SEC63: variants seen among roughly 807,000 people sequenced by gnomAD.
SEC63 encodes the protein translocation protein SEC63 homolog.
SEC63 carries 56 observed loss-of-function variants against 116.2 expected under a neutral mutation model. The ratio of observed to expected loss-of-function variants is 0.48; its 90% CI spans 0.39 to 0.60. The LOEUF (loss-of-function observed/expected upper bound fraction) is 0.60. SEC63 is among the 20% of genes least tolerant of loss of function. The pLI, the probability that SEC63 is intolerant of heterozygous loss-of-function variation, is 0.00. For missense variants in SEC63, 668 were observed against 900.0 expected (o/e 0.74, Z 3.30); for synonymous variants, 273 against 294.6 (o/e 0.93, Z 0.75).
chr6:107,902,808 C>T (rs188536900), intron 12 of SEC63, 36 bp downstream of exon 12: 46 of 1,599,614 alleles, frequency 2.9e-5, no homozygotes, highest in Admixed American at 2.2e-4. Flanking sequence ...ACAGGACAAA[C>T]TGCTGAAAAC....
intron 8 of SEC63, among the ~76,000 whole-genome samples, chr6:107,907,973 G>C (rs1334977835): frequency 2.0e-5 from 3 of 152,134 alleles, no homozygotes; most frequent in Admixed American, 2.0e-4. Flanking sequence ...TTTCATAAGG[G>C]AGTAAGTTTC....
intron 1 of SEC63, among the ~76,000 whole-genome samples, chr6:107,945,979 C>T (rs914386194): frequency 6.6e-6 from 1 of 152,096 alleles, no homozygotes; most frequent in African/African-American, 2.4e-5. Context: ...CTCTGTCGCC[C>T]AGGCTGGAGT....
intron 1 of SEC63, among the ~76,000 whole-genome samples, chr6:107,940,138 TGGA>T (rs1770344216): frequency 6.6e-6 from 1 of 151,686 alleles, no homozygotes; most frequent in African/African-American, 2.4e-5. Flanking sequence ...ACTCTGGCAA[TGGA>T]GGAGGGAACC....
chr6:107,941,234 A>G (rs903695836), intron 1 of SEC63, among the ~76,000 whole-genome samples: 2 of 152,154 alleles, frequency 1.3e-5, no homozygotes, highest in Admixed American at 6.6e-5. Flanking sequence ...GGGTGTTAAT[A>G]CAAATTCATA....
chr6:107,882,038 T>C (rs570659514), intron 17 of SEC63, among the ~76,000 whole-genome samples: 1 of 152,306 alleles, frequency 6.6e-6, no homozygotes, highest in South Asian at 2.1e-4. Context: ...ATATAATGTA[T>C]TTGACAGATT....
rs759171759 is a variant in SEC63, at chr6:107,895,860, T to TAAA, written c.1440+1786_1440+1788dup. Among the ~76,000 whole-genome samples the TAAA allele has an allele frequency of 2.7e-4, 28 of 103,686 alleles. 1 individual carries two copies. Among genetic ancestry groups the TAAA allele is most frequent in the African/African-American group, 7.3e-4 (21 of 28,946 alleles). 68.0% of individuals were successfully genotyped at this position (103,686 alleles called of 152,430 possible). A position where few individuals can be genotyped will look rare whatever the true frequency, so the allele number is the denominator to read the frequency against. The stretch of plus-strand genomic sequence containing the variant: ...AGCCTACAGAGACCCGCACCTCTAT[T>TAAA]AAAAAAAAAAAAAAAAAAATTAGGC... On this transcript the variant is annotated intron_variant, in intron 14 of 20. Transcript: ENST00000369002.
At chr6:107,877,690 T>C (rs1786313700) in intron 18 of SEC63, among the ~76,000 whole-genome samples, 1 of 152,092 alleles carries the variant, frequency 6.6e-6, no homozygotes, top group African/African-American at 2.4e-5. Flanking sequence ...GATCCTCCCA[T>C]TTAGGCCTCC....
At chr6:107,891,201 C>T (rs889937635) in intron 16 of SEC63, among the ~76,000 whole-genome samples, 1 of 152,098 alleles carries the variant, frequency 6.6e-6, no homozygotes, top group Non-Finnish European at 1.5e-5. Flanking sequence ...TTCAGGTATA[C>T]CAATCAAACA....
intron 2 of SEC63, among the ~76,000 whole-genome samples, chr6:107,925,872 C>T (rs1379194463): frequency 1.3e-5 from 2 of 151,800 alleles, no homozygotes; most frequent in East Asian, 1.9e-4. Context: ...TTTTTTTAGA[C>T]GGAGTCTCGC....
At position 107,929,594 on chromosome 6, in the gene SEC63, C is replaced by G; in HGVS notation, c.125-80G>C. ...AAAACCAGCTAACTGGTTAACTAAC[C>G]TTCATTACCACGCTAATAGTTTAAT... On this transcript the variant is annotated intron_variant, in intron 1 of 20. Transcript: ENST00000369002. 3 of 791,916 alleles carry G rather than the reference C, an allele frequency of 3.8e-6. No homozygotes were observed. In the Admixed American group the frequency reaches 5.5e-5, roughly 14 times the overall value. 49.1% of individuals were successfully genotyped at this position (791,916 alleles called of 1,614,324 possible).
chr6:107,956,925 T>C (rs1249329553), intron 1 of SEC63, among the ~76,000 whole-genome samples: 1 of 152,168 alleles, frequency 6.6e-6, no homozygotes, highest in Admixed American at 6.5e-5. Context: ...ATAGAAAGCT[T>C]TCCCTAAGTT....
intron 4 of SEC63, among the ~76,000 whole-genome samples, chr6:107,919,335 T>C (rs1787491604): frequency 6.6e-6 from 1 of 152,200 alleles, no homozygotes; most frequent in African/African-American, 2.4e-5. Flanking sequence ...TGTGACTGAA[T>C]TGCTGCAATC....
At chr6:107,894,520 A>AAT (rs10685629) in intron 14 of SEC63, among the ~76,000 whole-genome samples, 143,546 of 151,262 alleles carry the variant, frequency 0.95, 68,137 homozygotes, top group South Asian at 0.96. Context: ...TAAAAAAAAA[A>AAT]CACCATGAAA....
At chr6:107,887,233 C>T (rs975223866) in intron 16 of SEC63, among the ~76,000 whole-genome samples, 1 of 149,178 alleles carries the variant, frequency 6.7e-6, no homozygotes, top group Admixed American at 6.8e-5. Flanking sequence ...TTTGACCCAG[C>T]CATCCCATTA....
chr6:107,895,663 C>T (rs1786796593), intron 14 of SEC63, among the ~76,000 whole-genome samples: 1 of 151,982 alleles, frequency 6.6e-6, no homozygotes, highest in Admixed American at 6.6e-5. Context: ...AAATCTACCA[C>T]TAGTTGAATA....
At chr6:107,889,723 T>C (rs1454833882) in intron 16 of SEC63, among the ~76,000 whole-genome samples, 2 of 152,204 alleles carry the variant, frequency 1.3e-5, no homozygotes, top group African/African-American at 2.4e-5. Context: ...CATTTAGTGA[T>C]ATAAATTTCC....
intron 1 of SEC63, among the ~76,000 whole-genome samples, chr6:107,945,562 C>T (rs1014073709): frequency 7.2e-5 from 11 of 151,918 alleles, no homozygotes; most frequent in African/African-American, 2.4e-4. Context: ...CCTCGGCCTC[C>T]CAAAGTGCTG....
intron 1 of SEC63, among the ~76,000 whole-genome samples, chr6:107,937,330 T>C (rs952485903): frequency 1.3e-5 from 2 of 152,060 alleles, no homozygotes; most frequent in African/African-American, 4.8e-5. Context: ...TTCTCCATGT[T>C]GGTCAGGCTG....
At chr6:107,940,869 G>A (rs534273464) in intron 1 of SEC63, among the ~76,000 whole-genome samples, 2 of 150,222 alleles carry the variant, frequency 1.3e-5, no homozygotes, top group East Asian at 3.9e-4. Flanking sequence ...GGGAGAGGAG[G>A]ACCTGGGAAG....
Sources: allele counts gnomAD v4.1 joint callset (sites outside exome capture counted in the v4.1 genomes callset), GRCh38; gene constraint gnomAD v4.1.1; transcripts MANE v1.5; gene names NCBI Gene and HGNC (gene_info 2026-07-23, HGNC 2026-07-21).